MIPOL1: variants seen among roughly 807,000 people sequenced by gnomAD.
The protein encoded by MIPOL1 is mirror-image polydactyly 1.
Under a neutral mutation model 60.9 loss-of-function variants are expected in MIPOL1, and 57 were observed. The ratio of observed to expected loss-of-function variants is 0.94; its 90% CI spans 0.76 to 1.17. The LOEUF (loss-of-function observed/expected upper bound fraction) is 1.17. Among genes scored for constraint, MIPOL1 ranks in the 50% most tolerant of loss-of-function variants. The pLI is 0.00. For synonymous variants in MIPOL1, 179 were observed against 168.8 expected (o/e 1.06, Z -0.47); for missense variants, 551 against 511.6 (o/e 1.08, Z -0.74).
intron 12 of MIPOL1, chr14:37,501,898 A>T (rs1043779531): frequency 6.6e-6 from 1 of 152,264 alleles, no homozygotes; most frequent in African/African-American, 2.4e-5. Flanking sequence ...CCACCCAAAT[A>T]CTGTGCTTTT....
At chr14:37,247,306 C>A (rs185181420) in intron 2 of MIPOL1, 66 bp downstream of exon 2, 8 of 152,360 alleles carry the variant, frequency 5.3e-5, no homozygotes, top group African/African-American at 1.9e-4. Flanking sequence ...ATCATGTTTA[C>A]TACAAAAACA....
At chr14:37,404,968 A>C (rs1362942199) in intron 10 of MIPOL1, among the ~76,000 whole-genome samples, 1 of 152,266 alleles carries the variant, frequency 6.6e-6, no homozygotes, top group African/African-American at 2.4e-5. Flanking sequence ...GCACTTTCTG[A>C]AACCAGTTTC....
Position 37,267,214 on chromosome 14 carries a change from G to A in MIPOL1, c.251+45G>A, listed in dbSNP as rs142210467. The A allele has an allele frequency of 1.8e-4, 264 of 1,458,898 alleles. 1 individual carries two copies. Among genetic ancestry groups the A allele is most frequent in the African/African-American group, 1.1e-3 (80 of 71,420 alleles). 90.4% of individuals were successfully genotyped at this position (1,458,898 alleles called of 1,614,324 possible). On this transcript the variant is annotated intron_variant, in intron 4 of 12. Transcript: ENST00000684589. ...GATTTAGAAGGAATTGGGGCCAGGC[G>A]TGGTGGCTCATGCCTGTAATCTCAG...
intron 12 of MIPOL1, chr14:37,506,793 C>T (rs1429999019): frequency 6.6e-6 from 1 of 152,130 alleles, no homozygotes; most frequent in East Asian, 1.9e-4. Context: ...AAGAAACTAT[C>T]ATCAGAGTGA....
At chr14:37,303,530 T>A (rs931172246) in intron 7 of MIPOL1, among the ~76,000 whole-genome samples, 1 of 151,934 alleles carries the variant, frequency 6.6e-6, no homozygotes, top group African/African-American at 2.4e-5. Context: ...CTTCATTGCT[T>A]ATCTACTTTA....
chr14:37,330,786 A>G (rs1955936), intron 9 of MIPOL1, among the ~76,000 whole-genome samples: 150,862 of 150,872 alleles, frequency 1, 75,426 homozygotes, highest in Non-Finnish European at 1. Flanking sequence ...TTTACCACTA[A>G]AATACACAGA....
chr14:37,468,634 A>G (rs2094634054), intron 11 of MIPOL1, among the ~76,000 whole-genome samples: 1 of 152,226 alleles, frequency 6.6e-6, no homozygotes, highest in Non-Finnish European at 1.5e-5. Flanking sequence ...CAAGTTATTA[A>G]TTTATCTATT....
At chr14:37,241,754 A>T (rs928866957) in intron 1 of MIPOL1, among the ~76,000 whole-genome samples, 5 of 152,166 alleles carry the variant, frequency 3.3e-5, no homozygotes, top group Admixed American at 1.3e-4. Flanking sequence ...TAAATTTTTT[A>T]AACTTTAGAA....
chr14:37,260,027 T>A (rs2082406909), intron 3 of MIPOL1, among the ~76,000 whole-genome samples: 1 of 152,108 alleles, frequency 6.6e-6, no homozygotes, highest in African/African-American at 2.4e-5. Context: ...CACCTGGCAC[T>A]GTGTTGGTAC....
chr14:37,461,708 C>T (rs1028845260), intron 11 of MIPOL1, among the ~76,000 whole-genome samples: 3 of 152,150 alleles, frequency 2.0e-5, no homozygotes, highest in Non-Finnish European at 4.4e-5. Flanking sequence ...AACAAAGGGG[C>T]TATAGGACCC....
chr14:37,321,116 T>G (rs1387277414), intron 9 of MIPOL1, among the ~76,000 whole-genome samples: 2 of 152,014 alleles, frequency 1.3e-5, no homozygotes, highest in African/African-American at 4.8e-5. Flanking sequence ...CTGGTAGTAT[T>G]TAATGGGGAT....
intron 1 of MIPOL1, among the ~76,000 whole-genome samples, chr14:37,235,440 T>C (rs2153327769): frequency 6.6e-6 from 1 of 152,252 alleles, no homozygotes; most frequent in South Asian, 2.1e-4. Flanking sequence ...AACCATAGGT[T>C]TGAGCCCATC....
chr14:37,515,941 AAACCATGAGGAGAAGAGAATTT>A (rs1393297543), intron 12 of MIPOL1, among the ~76,000 whole-genome samples: 22 of 152,214 alleles, frequency 1.4e-4, no homozygotes, highest in Admixed American at 8.5e-4. Flanking sequence ...CTGGTAAAGG[AAACCATGAGGAGAAGAGAATTT>A]AACACATGGG....
intron 11 of MIPOL1, among the ~76,000 whole-genome samples, chr14:37,479,130 T>C (rs2094822660): frequency 6.6e-6 from 1 of 152,088 alleles, no homozygotes; most frequent in Non-Finnish European, 1.5e-5. Flanking sequence ...CTTTAAACAA[T>C]GGACAGATTA....
In MIPOL1 at chr14:37,308,489, A is replaced by C; in HGVS notation, c.798A>C (p.Leu266=). 6.3e-7 allele frequency: 1 copy of C among 1,593,200 alleles called. No homozygotes were observed. Among genetic ancestry groups the C allele is most frequent in the Non-Finnish European group, 8.5e-7 (1 of 1,172,366 alleles). Residue 266 remains leucine (L), a synonymous_variant, in exon 9 of 13, where the codon CTA becomes CTC. Transcript: ENST00000684589. ...MRITAEEMSA[L]IEERDAALSK... is the part of the protein sequence containing the mutation. ...TAACTGCAGAAGAAATGAGTGCACT[A>C]ATAGAAGAACGGGATGCTGCCTTGT...
At chr14:37,448,085 AAAAT>A (rs771162625) in intron 11 of MIPOL1, among the ~76,000 whole-genome samples, 2 of 152,210 alleles carry the variant, frequency 1.3e-5, no homozygotes, top group Non-Finnish European at 2.9e-5. Context: ...ATTAAAGACA[AAAAT>A]AAATAAAGTC....
chr14:37,488,985 G>C (rs1343275809), intron 11 of MIPOL1, among the ~76,000 whole-genome samples: 2 of 152,134 alleles, frequency 1.3e-5, no homozygotes, highest in Non-Finnish European at 2.9e-5. Flanking sequence ...ATGTTGGACT[G>C]TCTTGCTAGG....
chr14:37,440,771 A>G (rs1566609319), intron 11 of MIPOL1, among the ~76,000 whole-genome samples: 1 of 152,142 alleles, frequency 6.6e-6, no homozygotes, highest in Non-Finnish European at 1.5e-5. Flanking sequence ...TCCTTTAGGT[A>G]GGTACCAAGT....
chr14:37,365,656 G>A (rs1201193760), intron 9 of MIPOL1, among the ~76,000 whole-genome samples: 1 of 152,000 alleles, frequency 6.6e-6, no homozygotes, highest in Non-Finnish European at 1.5e-5. Flanking sequence ...AGAGATATTG[G>A]CCTACAGTTT....
Sources: gnomAD v4.1 joint callset for allele counts (sites outside exome capture counted in the v4.1 genomes callset) on GRCh38, gnomAD v4.1.1 for gene constraint, MANE v1.5 for transcripts, NCBI Gene and HGNC (gene_info 2026-07-23, HGNC 2026-07-21) for gene names.